Variants in NTN1 observed in about 807,000 individuals in gnomAD.
The protein encoded by NTN1 is netrin-1.
Under a neutral mutation model 54.2 loss-of-function variants are expected in NTN1, and 11 were observed. The observed-to-expected ratio is 0.20, with a 90% CI of 0.13 to 0.34. The LOEUF (loss-of-function observed/expected upper bound fraction) is 0.34, where lower values mean the gene tolerates loss of function less well. Ranked by LOEUF, NTN1 falls within the 10% of genes least tolerant of loss-of-function variation. The pLI is 1.00. For missense variants in NTN1, 740 were observed against 893.1 expected (o/e 0.83, Z 2.18); for synonymous variants, 371 against 382.0 (o/e 0.97, Z 0.33).
At position 9,022,553 on chromosome 17, in the gene NTN1, C is replaced by T. The variant is rs868538817; in HGVS notation, c.180C>T (p.Phe60=). The T allele has an allele frequency of 1.6e-5, 25 of 1,549,190 alleles. No homozygotes were observed. The highest frequency in any genetic ancestry group is 2.1e-5 in the Non-Finnish European group (24 of 1,149,236). The change falls in exon 2 of 7, where the codon TTC becomes TTT. Residue 60 remains phenylalanine (F), a synonymous_variant. Transcript: ENST00000173229. Reference sequence around the variant, plus strand: ...TCCCGGACTTTGTCAATGCGGCCTTCGGCAAGGACGTGCGCGTGTCCAGCA... The same window carrying T: ...TCCCGGACTTTGTCAATGCGGCCTTTGGCAAGGACGTGCGCGTGTCCAGCA... ...RCIPDFVNAA[F]GKDVRVSSTC...
At chr17:9,167,412 T>C (rs1473368750) in intron 3 of NTN1, among the ~76,000 whole-genome samples, 2 of 152,180 alleles carry the variant, frequency 1.3e-5, no homozygotes, top group Non-Finnish European at 2.9e-5. Flanking sequence ...CCAAACCATC[T>C]GTGATGGATA....
chr17:9,008,909 T>A, the NTN1 span, among the ~76,000 whole-genome samples: 4 of 152,136 alleles, frequency 2.6e-5, no homozygotes, highest in South Asian at 8.3e-4. Context: ...GGCATGGTGG[T>A]GGATGCCTGT....
intron 5 of NTN1, among the ~76,000 whole-genome samples, chr17:9,187,291 C>T (rs764161147): frequency 6.6e-6 from 1 of 151,894 alleles, no homozygotes; most frequent in African/African-American, 2.4e-5. Flanking sequence ...TTGGACTGCC[C>T]GAGGCAGGGA....
intron 2 of NTN1, among the ~76,000 whole-genome samples, chr17:9,060,207 A>G (rs938168671): frequency 5.9e-5 from 9 of 151,500 alleles, no homozygotes; most frequent in African/African-American, 2.2e-4. Flanking sequence ...TCCTCAGCCT[A>G]CTCCGTGTGA....
At chr17:9,194,463 G>C (rs1329287323) in intron 5 of NTN1, among the ~76,000 whole-genome samples, 1 of 152,204 alleles carries the variant, frequency 6.6e-6, no homozygotes, top group Non-Finnish European at 1.5e-5. Flanking sequence ...CAGAGGGTGT[G>C]GAAACGGAAA....
intron 2 of NTN1, among the ~76,000 whole-genome samples, chr17:9,080,750 G>A (rs1401419688): frequency 1.3e-5 from 2 of 152,144 alleles, no homozygotes; most frequent in Non-Finnish European, 1.5e-5. Flanking sequence ...ATCACCCGTG[G>A]CCAATGATTT....
intron 2 of NTN1, among the ~76,000 whole-genome samples, chr17:9,150,090 C>T (rs1048460927): frequency 6.6e-6 from 1 of 151,878 alleles, no homozygotes; most frequent in Non-Finnish European, 1.5e-5. Context: ...TAATCCTCAG[C>T]TACTTGGGAG....
intron 6 of NTN1, among the ~76,000 whole-genome samples, chr17:9,226,161 T>TGGGGGGGGGGGGG (rs148213778): frequency 4.4e-4 from 52 of 118,072 alleles, no homozygotes; most frequent in Non-Finnish European, 7.8e-4. Context: ...GGATTTGGGG[T>TGGGGGGGGGGGGG]CGGGGGGGGG....
intron 2 of NTN1, among the ~76,000 whole-genome samples, chr17:9,144,619 C>T (rs2092307905): frequency 6.6e-6 from 1 of 152,188 alleles, no homozygotes; most frequent in Non-Finnish European, 1.5e-5. Flanking sequence ...TGTAATTACT[C>T]TTCTTTCACT....
intron 5 of NTN1, among the ~76,000 whole-genome samples, chr17:9,206,909 T>C (rs1904982758): frequency 6.6e-6 from 1 of 152,160 alleles, no homozygotes; most frequent in Admixed American, 6.5e-5. Flanking sequence ...TTGCAGCATT[T>C]TCCAAAATTG....
At position 9,071,209 on chromosome 17, in the gene NTN1, G is replaced by A. The variant is rs186577114; in HGVS notation, c.1018+47818G>A. On this transcript the variant is annotated intron_variant, in intron 2 of 6. Transcript: ENST00000173229. ...TCATGAGGGAGCCTGCTCTCTGTGG[G>A]GACAGATCTATTTTTGGTGTAACAC... 2.0e-4 allele frequency among the ~76,000 whole-genome samples: 30 copies of A among 152,240 alleles called. No individual in the cohort carries two copies. In the East Asian group the frequency reaches 5.8e-3, roughly 29 times the overall value.
chr17:9,237,105 T>C (rs1906017204), intron 6 of NTN1, among the ~76,000 whole-genome samples: 2 of 152,204 alleles, frequency 1.3e-5, no homozygotes, highest in Non-Finnish European at 2.9e-5. Flanking sequence ...TCAAGATGAA[T>C]TGTATTAGCT....
chr17:9,018,779 A>G (rs1411142433), upstream of NTN1, among the ~76,000 whole-genome samples: 3 of 152,058 alleles, frequency 2.0e-5, no homozygotes, highest in African/African-American at 7.2e-5. Context: ...TCTTTGCTGG[A>G]ATGTCTTTTC....
intron 6 of NTN1, among the ~76,000 whole-genome samples, chr17:9,229,649 C>T (rs184921629): frequency 3.3e-5 from 5 of 152,028 alleles, no homozygotes; most frequent in Non-Finnish European, 5.9e-5. Flanking sequence ...GGCAAACAGG[C>T]GGGAGCGGGC....
intron 5 of NTN1, among the ~76,000 whole-genome samples, chr17:9,189,744 T>TA (rs1904402030): frequency 6.6e-6 from 1 of 152,130 alleles, no homozygotes; most frequent in South Asian, 2.1e-4. Context: ...AAGTATCCAC[T>TA]GAGGGGTGAC....
At chr17:9,117,549 G>C (rs1288218275) in intron 2 of NTN1, among the ~76,000 whole-genome samples, 1 of 152,042 alleles carries the variant, frequency 6.6e-6, no homozygotes, top group East Asian at 1.9e-4. Context: ...TTCGAGACCA[G>C]CCTGGTCAAT....
intron 6 of NTN1, among the ~76,000 whole-genome samples, chr17:9,227,704 T>TCA (rs145490097): frequency 0.8 from 118,837 of 149,352 alleles, 47,181 homozygotes; most frequent in African/African-American, 0.85. Context: ...GACACACGTA[T>TCA]CACACGCACA....
the NTN1 span, among the ~76,000 whole-genome samples, chr17:9,013,491 C>G: frequency 6.6e-6 from 1 of 152,198 alleles, no homozygotes; most frequent in Non-Finnish European, 1.5e-5. Context: ...GCTGGGATTA[C>G]AGGTGTGAGC....
Position 9,022,745 on chromosome 17 carries a change from C to T in NTN1, c.372C>T (p.Asn124=). 4 of 1,609,156 alleles carry T rather than the reference C, an allele frequency of 2.5e-6. No individual in the cohort carries two copies. Among genetic ancestry groups the T allele is most frequent in the Non-Finnish European group, 3.4e-6 (4 of 1,178,428 alleles). ...PHNLTCWQSE[N]YLQFPHNVTL... ...ACCTGACGTGCTGGCAGTCCGAGAA[C>T]TACCTGCAGTTCCCGCACAACGTCA... Residue 124 remains asparagine (N), a synonymous_variant, in exon 2 of 7, where the codon AAC becomes AAT. Coordinates refer to ENST00000173229, the MANE Select transcript of NTN1 (RefSeq NM_004822.3).
Sources: gnomAD v4.1 joint callset for allele counts (sites outside exome capture counted in the v4.1 genomes callset) on GRCh38, gnomAD v4.1.1 for gene constraint, MANE v1.5 for transcripts, NCBI Gene and HGNC (gene_info 2026-07-23, HGNC 2026-07-21) for gene names.